FNBP1L: variants seen among roughly 807,000 people sequenced by gnomAD.
FNBP1L encodes formin-binding protein 1-like.
Under a neutral mutation model 91.2 loss-of-function variants are expected in FNBP1L, and 36 were observed. The observed-to-expected ratio is 0.39, with a 90% CI of 0.30 to 0.52. The LOEUF is 0.52. Ranked by LOEUF, FNBP1L falls within the 20% of genes least tolerant of loss-of-function variation. The pLI is 0.66. For synonymous variants in FNBP1L, 242 were observed against 237.0 expected, an observed-to-expected ratio of 1.02 and a Z score of -0.19; for missense variants, 571 against 732.1, an observed-to-expected ratio of 0.78 and a Z score of 2.54.
chr1:93,532,298 C>T (rs1302324592), intron 7 of FNBP1L, among the ~76,000 whole-genome samples: 2 of 151,502 alleles, frequency 1.3e-5, no homozygotes, highest in African/African-American at 2.4e-5. Flanking sequence ...GAAACCCCAT[C>T]GCTACTAAAA....
At chr1:93,529,988 A>G (rs2101757179) in intron 6 of FNBP1L, among the ~76,000 whole-genome samples, 1 of 152,304 alleles carries the variant, frequency 6.6e-6, no homozygotes, top group East Asian at 1.9e-4. Flanking sequence ...GGAAAGACGT[A>G]GTTGCTACTG....
intron 1 of FNBP1L, among the ~76,000 whole-genome samples, chr1:93,451,929 C>T (rs996788993): frequency 1.4e-4 from 22 of 152,248 alleles, no homozygotes; most frequent in African/African-American, 4.6e-4. Context: ...GGTTTACAGG[C>T]GTGAGCCACC....
At chr1:93,548,212 T>C (rs1313108080) in intron 14 of FNBP1L, among the ~76,000 whole-genome samples, 1 of 152,110 alleles carries the variant, frequency 6.6e-6, no homozygotes, top group Non-Finnish European at 1.5e-5. Context: ...AAATTACTGG[T>C]TTTTGTTATT....
At position 93,544,121 on chromosome 1, in the gene FNBP1L, A is replaced by G; in HGVS notation, c.1179A>G (p.Glu393=). 6.2e-7 allele frequency: 1 copy of G among 1,609,002 alleles called. No homozygotes were observed. The highest frequency in any genetic ancestry group is 8.5e-7 in the Non-Finnish European group (1 of 1,177,148). Residue 393 remains glutamate, a synonymous_variant, in exon 12 of 17, where the codon GAA becomes GAG. Transcript: ENST00000271234. ...GWSVKMGPAL[E]DFSHLPPEQR... ...TCTCTTTTCAGGGCCCAGCACTAGA[A>G]GATTTCAGTCATCTGCCACCAGAAC...
chr1:93,523,724 T>C (rs1297770656), intron 4 of FNBP1L, among the ~76,000 whole-genome samples: 1 of 152,254 alleles, frequency 6.6e-6, no homozygotes, highest in Non-Finnish European at 1.5e-5. Flanking sequence ...TTTTGTTTGC[T>C]AGTTGCCACA....
intron 1 of FNBP1L, among the ~76,000 whole-genome samples, chr1:93,494,813 C>T (rs1010224337): frequency 1.3e-5 from 2 of 152,184 alleles, no homozygotes; most frequent in Non-Finnish European, 2.9e-5. Context: ...GGAGGCCTCA[C>T]AATCATGGCG....
chr1:93,486,549 A>C (rs1206161769), intron 1 of FNBP1L, among the ~76,000 whole-genome samples: 1 of 151,980 alleles, frequency 6.6e-6, no homozygotes, highest in Non-Finnish European at 1.5e-5. Context: ...AGGTGTTCTC[A>C]TTTGACAGTT....
chr1:93,493,837 A>G (rs1670176443), intron 1 of FNBP1L, among the ~76,000 whole-genome samples: 1 of 152,144 alleles, frequency 6.6e-6, no homozygotes, highest in Non-Finnish European at 1.5e-5. Context: ...GTCTCTTGAA[A>G]TTTTGAACTT....
intron 1 of FNBP1L, among the ~76,000 whole-genome samples, chr1:93,475,876 A>G (rs1669476969): frequency 6.6e-6 from 1 of 152,228 alleles, no homozygotes; most frequent in Non-Finnish European, 1.5e-5. Flanking sequence ...GTTGTGAAAT[A>G]TAATTGTGAA....
intron 1 of FNBP1L, among the ~76,000 whole-genome samples, chr1:93,481,669 G>T (rs904439307): frequency 1.3e-5 from 2 of 152,156 alleles, no homozygotes; most frequent in Non-Finnish European, 2.9e-5. Flanking sequence ...ACAGACTGCT[G>T]TCCTAATTAT....
intron 2 of FNBP1L, among the ~76,000 whole-genome samples, chr1:93,510,024 C>G (rs1433772000): frequency 1.3e-5 from 2 of 152,018 alleles, no homozygotes; most frequent in South Asian, 2.1e-4. Flanking sequence ...AGGTGGCAGC[C>G]AGGCTGGGGG....
intron 1 of FNBP1L, among the ~76,000 whole-genome samples, chr1:93,489,278 G>C (rs1266514300): frequency 6.6e-6 from 1 of 151,986 alleles, no homozygotes; most frequent in Non-Finnish European, 1.5e-5. Context: ...TGGATATGAC[G>C]ACAGGAGTGG....
intron 2 of FNBP1L, among the ~76,000 whole-genome samples, chr1:93,507,140 C>CTT (rs1226821739): frequency 2.7e-5 from 4 of 146,550 alleles, no homozygotes; most frequent in Non-Finnish European, 6.0e-5. Context: ...CTCTCTCTCT[C>CTT]TCTCTCTCTC....
At chr1:93,469,969 G>C (rs1439070740) in intron 1 of FNBP1L, among the ~76,000 whole-genome samples, 2 of 151,682 alleles carry the variant, frequency 1.3e-5, no homozygotes, top group African/African-American at 4.8e-5. Flanking sequence ...ACTCTTAAAA[G>C]AAAAAAAGAA....
chr1:93,530,935 T>C, intron 7 of FNBP1L, 52 bp downstream of exon 7: 1 of 1,411,018 alleles, frequency 7.1e-7, no homozygotes, highest in Non-Finnish European at 9.6e-7. Flanking sequence ...GGTGTTTAAA[T>C]ATAAAACTTG....
chr1:93,503,525 C>G (rs900315585), intron 2 of FNBP1L, among the ~76,000 whole-genome samples: 3 of 152,120 alleles, frequency 2.0e-5, no homozygotes, highest in Non-Finnish European at 4.4e-5. Flanking sequence ...AATCTTTTCT[C>G]CCTTTACTCT....
At chr1:93,460,389 C>G (rs895649385) in intron 1 of FNBP1L, among the ~76,000 whole-genome samples, 4 of 152,204 alleles carry the variant, frequency 2.6e-5, no homozygotes, top group Non-Finnish European at 5.9e-5. Context: ...AGAACAATGA[C>G]AAATAAATTT....
intron 15 of FNBP1L, 119 bp from the exon 16 acceptor site, chr1:93,550,828 C>T (rs1672386769): frequency 4.2e-6 from 4 of 947,690 alleles, no homozygotes; most frequent in Non-Finnish European, 6.0e-6. Context: ...TAGTGAGAGT[C>T]AGTAGTTCCA....
At position 93,480,763 on chromosome 1, in the gene FNBP1L, C is replaced by T. The variant is rs186090323; in HGVS notation, c.25-18705C>T. The stretch of plus-strand genomic sequence containing the variant: ...ATTTTTAGTAGAGACGGGGTTTCAC[C>T]GTGTTAGCCAGGATGGTTTCAATCT... On this transcript the variant is annotated intron_variant, in intron 1 of 16. Transcript: ENST00000271234. Among the ~76,000 whole-genome samples the T allele has an allele frequency of 3.3e-5, 5 of 152,084 alleles. 1 individual carries two copies. The highest frequency in any genetic ancestry group is 5.9e-5 in the Non-Finnish European group (4 of 68,000).
Sources: gnomAD v4.1 joint callset for allele counts (sites outside exome capture counted in the v4.1 genomes callset) on GRCh38, gnomAD v4.1.1 for gene constraint, MANE v1.5 for transcripts, NCBI Gene and HGNC (gene_info 2026-07-23, HGNC 2026-07-21) for gene names.